The following ARHGEF18 variants were observed in gnomAD, a reference collection of about 807,000 sequenced individuals.
ARHGEF18 encodes rho guanine nucleotide exchange factor 18.
In ARHGEF18, 93 loss-of-function variants were observed where a neutral mutation model predicts 155.7. The ratio of observed to expected loss-of-function variants is 0.60; its 90% confidence interval spans 0.50 to 0.71. The LOEUF is 0.71. ARHGEF18 is among the 30% of genes least tolerant of loss of function. The pLI is 0.00. For synonymous variants in ARHGEF18, 742 were observed against 753.1 expected (o/e 0.99, Z 0.24); for missense variants, 1,593 against 1,816.1 (o/e 0.88, Z 2.23).
chr19:7,432,070 G>A (rs763809662), intron 10 of ARHGEF18, among the ~76,000 whole-genome samples: 1 of 151,796 alleles, frequency 6.6e-6, no homozygotes, highest in Admixed American at 6.6e-5. Flanking sequence ...CCTGAGGTGC[G>A]GGATGAAGGG....
intron 10 of ARHGEF18, among the ~76,000 whole-genome samples, chr19:7,417,204 C>T (rs1243031580): frequency 1.3e-5 from 2 of 152,130 alleles, no homozygotes; most frequent in Non-Finnish European, 1.5e-5. Context: ...TGAACCACTA[C>T]ACCTGGCCTG....
chr19:7,459,664 C>T (rs181191122), intron 19 of ARHGEF18, among the ~76,000 whole-genome samples: 61 of 152,374 alleles, frequency 4.0e-4, no homozygotes, highest in African/African-American at 1.4e-3. Context: ...CCCTGGACTC[C>T]TCCTCTAAGT....
At position 7,410,411 on chromosome 19, in the gene ARHGEF18, T is replaced by C. The variant is rs572671898; in HGVS notation, c.967+27208T>C. Among the ~76,000 whole-genome samples the C allele has an allele frequency of 1.5e-3, 226 of 151,982 alleles. 6 individuals carry two copies. The East Asian group carries it at 0.037, about 25-fold the overall frequency. On this transcript the variant is annotated intron_variant, in intron 10 of 28. Transcript: ENST00000668164. ...ATATATATATACACACACACATACA[T>C]ACACACACACATATGTATATAAATC...
At chr19:7,414,184 C>G (rs954778224) in intron 10 of ARHGEF18, among the ~76,000 whole-genome samples, 1 of 152,102 alleles carries the variant, frequency 6.6e-6, no homozygotes, top group African/African-American at 2.4e-5. Flanking sequence ...CCCCTCTTCC[C>G]CCCTCACTCC....
chr19:7,391,713 G>A (rs1219172094), intron 10 of ARHGEF18, among the ~76,000 whole-genome samples: 1 of 152,030 alleles, frequency 6.6e-6, no homozygotes, highest in Non-Finnish European at 1.5e-5. Context: ...GTTGCTCTCA[G>A]CCAAGGAAAC....
intron 10 of ARHGEF18, chr19:7,394,916 C>T: frequency 6.4e-6 from 2 of 310,122 alleles, no homozygotes; most frequent in Non-Finnish European, 9.4e-6. Flanking sequence ...CCTCAAAAGT[C>T]GCCCTCACCC....
chr19:7,453,248 T>C (rs759511931), intron 16 of ARHGEF18, among the ~76,000 whole-genome samples: 3 of 151,748 alleles, frequency 2.0e-5, no homozygotes, highest in Non-Finnish European at 4.4e-5. Context: ...GTTGCATTTA[T>C]TTTGGAGAAC....
chr19:7,436,954 A>C (rs984537300), intron 10 of ARHGEF18, among the ~76,000 whole-genome samples: 2 of 152,200 alleles, frequency 1.3e-5, no homozygotes, highest in African/African-American at 4.8e-5. Context: ...AACAAATGTC[A>C]TCTTTGCTGT....
At chr19:7,409,510 C>G (rs565855607) in intron 10 of ARHGEF18, among the ~76,000 whole-genome samples, 105 of 151,112 alleles carry the variant, frequency 6.9e-4, no homozygotes, top group Non-Finnish European at 1.2e-3. Context: ...TCACTGTAAC[C>G]TCCACCTCCT....
chr19:7,366,593 C>T (rs1007880479), intron 2 of ARHGEF18, among the ~76,000 whole-genome samples: 5 of 152,168 alleles, frequency 3.3e-5, no homozygotes, highest in Non-Finnish European at 7.4e-5. Flanking sequence ...TCTTCCCCAG[C>T]CTGCTGGCTG....
chr19:7,418,446 G>T (rs375350479), intron 10 of ARHGEF18, among the ~76,000 whole-genome samples: 1 of 152,052 alleles, frequency 6.6e-6, no homozygotes, highest in Admixed American at 6.6e-5. Flanking sequence ...GTAGAAATGG[G>T]GTTTTGCAAT....
intron 6 of ARHGEF18, among the ~76,000 whole-genome samples, chr19:7,378,779 GC>G (rs1394911146): frequency 7.1e-6 from 1 of 140,934 alleles, no homozygotes; most frequent in South Asian, 2.2e-4. Flanking sequence ...TGCAGCCTCT[GC>G]CCCCTGGGTT....
chr19:7,473,751 G>A (rs62109842), downstream of ARHGEF18, among the ~76,000 whole-genome samples: 5,343 of 148,642 alleles, frequency 0.036, 149 homozygotes, highest in South Asian at 0.078. Context: ...CGGAGCTTGC[G>A]GTGAGCCGAG....
At position 7,446,296 on chromosome 19, in the gene ARHGEF18, C is replaced by T. The variant is rs372007291; in HGVS notation, c.1612-747C>T. On this transcript the variant is annotated intron_variant, in intron 14 of 28. Transcript: ENST00000668164. ...CTGTGGCAGGAGAATCACTCAGACCCGGAAGGCAGAGGTTGCAGTGAGCCA... is the reference window on the plus strand; with the variant it reads ...CTGTGGCAGGAGAATCACTCAGACCTGGAAGGCAGAGGTTGCAGTGAGCCA... Among the ~76,000 whole-genome samples, 11 of 151,910 alleles carry T rather than the reference C, an allele frequency of 7.2e-5. No homozygotes were observed. The East Asian group carries it at 1.2e-3, about 16-fold the overall frequency.
chr19:7,427,846 C>T (rs973659763), intron 10 of ARHGEF18, among the ~76,000 whole-genome samples: 8 of 151,170 alleles, frequency 5.3e-5, no homozygotes, highest in Non-Finnish European at 8.8e-5. Flanking sequence ...CTTGGGAGGC[C>T]GAAGCACAAG....
chr19:7,357,436 G>T (rs1255669436), intron 1 of ARHGEF18, among the ~76,000 whole-genome samples: 2 of 152,208 alleles, frequency 1.3e-5, no homozygotes, highest in Non-Finnish European at 2.9e-5. Flanking sequence ...AACTGACAGT[G>T]ACTCTTAAAC....
chr19:7,396,617 A>AG (rs1334172435), intron 10 of ARHGEF18, among the ~76,000 whole-genome samples: 1 of 151,858 alleles, frequency 6.6e-6, no homozygotes, highest in Admixed American at 6.6e-5. Context: ...CTGGAGGCTG[A>AG]GGCAGGGGAA....
chr19:7,400,544 A>G (rs1419315080), intron 10 of ARHGEF18, among the ~76,000 whole-genome samples: 1 of 152,114 alleles, frequency 6.6e-6, no homozygotes, highest in Non-Finnish European at 1.5e-5. Context: ...AAATGAAAAC[A>G]AAAATTGGCC....
intron 20 of ARHGEF18, among the ~76,000 whole-genome samples, chr19:7,461,529 G>A (rs1445116032): frequency 3.3e-5 from 5 of 152,118 alleles, no homozygotes; most frequent in South Asian, 2.1e-4. Flanking sequence ...CAGCCTGGGC[G>A]ACAGAGCGAG....
Sources: allele counts gnomAD v4.1 joint callset (sites outside exome capture counted in the v4.1 genomes callset), GRCh38; gene constraint gnomAD v4.1.1; transcripts MANE v1.5; gene names NCBI Gene and HGNC (gene_info 2026-07-23, HGNC 2026-07-21).